EPHB3: variants seen among roughly 807,000 people sequenced by gnomAD.
EPHB3 encodes ephrin type-B receptor 3.
In EPHB3, 33 loss-of-function variants were observed where a neutral mutation model predicts 100.2. The ratio of observed to expected loss-of-function variants is 0.33; its 90% CI spans 0.25 to 0.44. The LOEUF is 0.44. Among genes scored for constraint, EPHB3 ranks in the 20% least tolerant of loss-of-function variants. The pLI, the probability that EPHB3 is intolerant of heterozygous loss-of-function variation, is 1.00. For missense variants in EPHB3, 1,045 were observed against 1,378.3 expected (o/e 0.76, Z 3.83); for synonymous variants, 526 against 554.7 (o/e 0.95, Z 0.73).
chr3:184,574,371 C>T (rs1014568418), intron 3 of EPHB3, among the ~76,000 whole-genome samples: 1 of 152,222 alleles, frequency 6.6e-6, no homozygotes, highest in Non-Finnish European at 1.5e-5. Context: ...TAGATTCCTG[C>T]CATCTCCCTA....
In EPHB3 at chr3:184,579,152, C is replaced by G. The variant is rs1346969010; in HGVS notation, c.1802-325C>G. ...TGCAGGATAGCTCGGTGGGAAAAGT[C>G]CAGAGGCAGAGAGCCCAGCTGGGAG... On this transcript the variant is annotated intron_variant, in intron 9 of 15. Transcript: ENST00000330394. The surrounding 1 kb of genome is among the most constrained non-coding windows in gnomAD (Gnocchi z 5.2). 6.6e-6 allele frequency among the ~76,000 whole-genome samples: 1 copy of G among 151,930 alleles called. No individual in the cohort carries two copies. Among genetic ancestry groups the G allele is most frequent in the Non-Finnish European group, 1.5e-5 (1 of 67,982 alleles).
chr3:184,564,546 GTTATTA>G, intron 1 of EPHB3, among the ~76,000 whole-genome samples: 1 of 152,356 alleles, frequency 6.6e-6, no homozygotes, highest in Non-Finnish European at 1.5e-5. Flanking sequence ...AGGATTAGCT[GTTATTA>G]TTATTGTTAC....
Position 184,577,294 on chromosome 3 carries a change from A to G in EPHB3, c.1355-49A>G. On this transcript the variant is annotated intron_variant, in intron 5 of 15. Transcript: ENST00000330394. This position sits in a 1 kb window ranked among gnomAD's most constrained non-coding sequence, Gnocchi z 4.9. The stretch of plus-strand genomic sequence containing the variant: ...TCCCATGGGAAGTGGGTCTTTGGGA[A>G]GGATGCCAGGGTCCAGGGAGCCCCT... 6.3e-7 allele frequency: 1 copy of G among 1,597,710 alleles called. No individual in the cohort carries two copies. The highest frequency in any genetic ancestry group is 1.1e-5 in the South Asian group (1 of 89,380).
In EPHB3 at chr3:184,573,019, G is replaced by T; in HGVS notation, c.699G>T (p.Ser233=). ...CCCTCACTGGGGCGGAGCCCACCTC[G>T]CTGGTCATTGCTCCTGGCACCTGCA... ...PETLTGAEPT[S]LVIAPGTCIP... The change falls in exon 3 of 16, where the codon TCG becomes TCT. Residue 233 remains serine, a synonymous_variant. Transcript: ENST00000330394. This position sits in a 1 kb window ranked among gnomAD's most constrained non-coding sequence, Gnocchi z 4.5. 6.2e-7 allele frequency: 1 copy of T among 1,612,794 alleles called. No homozygotes were observed. Among genetic ancestry groups the T allele is most frequent in the Non-Finnish European group, 8.5e-7 (1 of 1,179,736 alleles).
chr3:184,569,490 G>C lies in EPHB3; in HGVS notation c.119-1828G>C, dbSNP rs1357461873. Among the ~76,000 whole-genome samples, 1 of 151,246 alleles carries C rather than the reference G, an allele frequency of 6.6e-6. No individual in the cohort carries two copies. Among genetic ancestry groups the C allele is most frequent in the Admixed American group, 6.5e-5 (1 of 15,274 alleles). Reference sequence around the variant, plus strand: ...CCCGCCTCCCTCCCCGCCTGTCTCTGTGGGCCCCGGCTTCTGAGCATCTCG... The same window carrying C: ...CCCGCCTCCCTCCCCGCCTGTCTCTCTGGGCCCCGGCTTCTGAGCATCTCG... On this transcript the variant is annotated intron_variant, in intron 1 of 15. Transcript: ENST00000330394. This position sits in a 1 kb window ranked among gnomAD's most constrained non-coding sequence, Gnocchi z 5.4.
rs1365281329 is a variant in EPHB3, at chr3:184,563,683, ACACT to A, written c.118+1334_118+1337del. Among the ~76,000 whole-genome samples, 4 of 152,166 alleles carry A rather than the reference ACACT, an allele frequency of 2.6e-5. No homozygotes were observed. Among genetic ancestry groups the A allele is most frequent in the African/African-American group, 4.8e-5 (2 of 41,416 alleles). ...ACCGAGGTCTCGCCCACACTCGCAC[ACACT>A]CACCCACATGTGTGTGATAGGATCG... On this transcript the variant is annotated intron_variant, in intron 1 of 15. Transcript: ENST00000330394. The surrounding 1 kb of genome is among the most constrained non-coding windows in gnomAD (Gnocchi z 4.1).
Position 184,582,293 on chromosome 3 carries a change from T to C in EPHB3, c.*671T>C, listed in dbSNP as rs531346681. On this transcript the variant is annotated 3_prime_UTR_variant, in exon 16 of 16. Coordinates refer to ENST00000330394, the MANE Select transcript of EPHB3 (RefSeq NM_004443.4). ...GTGTGTGTGTGCGCGCGCGCGCGCG[T>C]GTGTGTGTGCACGCACTGGCCTGCA... is the stretch of plus-strand genomic sequence containing the variant. 5.1e-4 allele frequency: 77 copies of C among 151,740 alleles called. No individual in the cohort carries two copies. The highest frequency in any genetic ancestry group is 3.4e-3 in the Middle Eastern group (1 of 296). The allele number at this position is 151,740 out of a possible 1,614,324, so 9.4% of individuals were successfully genotyped here. A position where few individuals can be genotyped will look rare whatever the true frequency, so the allele number is the denominator to read the frequency against.
At chr3:184,564,643 A>G (rs1714339421) in intron 1 of EPHB3, among the ~76,000 whole-genome samples, 1 of 151,960 alleles carries the variant, frequency 6.6e-6, no homozygotes, top group African/African-American at 2.4e-5. Flanking sequence ...TAGAGGGAGG[A>G]AAGATGAAAG....
chr3:184,579,541 G>C lies in EPHB3; in HGVS notation c.1866G>C (p.Arg622=). The change falls in exon 10 of 16, where the codon CGG becomes CGC. Residue 622 remains arginine, a synonymous_variant. Transcript: ENST00000330394. This position sits in a 1 kb window ranked among gnomAD's most constrained non-coding sequence, Gnocchi z 5.2. Reference sequence around the variant, plus strand: ...ACGAGGACCCTAATGAGGCTGTTCGGGAGTTTGCCAAGGAGATCGACGTGT... The same window carrying C: ...ACGAGGACCCTAATGAGGCTGTTCGCGAGTTTGCCAAGGAGATCGACGTGT... The part of the protein sequence containing the change: ...FTYEDPNEAV[R]EFAKEIDVSC... The C allele has an allele frequency of 6.2e-7, 1 of 1,614,050 alleles. No individual in the cohort carries two copies.
At chr3:184,567,788 G>A (rs1577522370) in intron 1 of EPHB3, among the ~76,000 whole-genome samples, 2 of 152,332 alleles carry the variant, frequency 1.3e-5, no homozygotes, top group African/African-American at 4.8e-5. Flanking sequence ...AGAACATACT[G>A]CAGGGTTGGG....
chr3:184,569,230 G>T lies in EPHB3; in HGVS notation c.119-2088G>T, dbSNP rs148894801. ...ACCGGCGGGAGGACTGGCTGCGGGG[G>T]CAGGGCGCGCTTGCTCTGCCGGCTC... On this transcript the variant is annotated intron_variant, in intron 1 of 15. Coordinates refer to ENST00000330394, the MANE Select transcript of EPHB3 (RefSeq NM_004443.4). The surrounding 1 kb of genome is among the most constrained non-coding windows in gnomAD (Gnocchi z 5.4). Among the ~76,000 whole-genome samples the T allele has an allele frequency of 0.038, 5,366 of 140,974 alleles. 121 individuals are homozygous for T. The highest frequency in any genetic ancestry group is 0.051 in the Non-Finnish European group (3,221 of 63,480). 92.5% of individuals were successfully genotyped at this position (140,974 alleles called of 152,430 possible).
At position 184,579,756 on chromosome 3, in the gene EPHB3, A is replaced by G. The variant is rs1242528938; in HGVS notation, c.1994A>G (p.Lys665Arg). ...PGRREVFVAI[K>R]TLKVGYTERQ... is the part of the protein sequence containing the mutation. ...CGCCGAGAGGTGTTTGTGGCCATCAAGACGCTGAAGGTGGGCTACACCGAG... is the reference window on the plus strand; with the variant it reads ...CGCCGAGAGGTGTTTGTGGCCATCAGGACGCTGAAGGTGGGCTACACCGAG... The change falls in exon 11 of 16, where the codon AAG becomes AGG. Residue 665 changes from lysine to arginine, a missense_variant. Transcript: ENST00000330394. The surrounding 1 kb of genome is among the most constrained non-coding windows in gnomAD (Gnocchi z 5.2). The G allele has an allele frequency of 6.2e-7, 1 of 1,612,548 alleles. No individual in the cohort carries two copies.
rs1395133189 is a variant in EPHB3 at position 184,577,787 on chromosome 3, C to G, written c.1609C>G (p.Pro537Ala). 1 of 1,607,534 alleles carries G rather than the reference C, an allele frequency of 6.2e-7. No individual in the cohort carries two copies. Among genetic ancestry groups the G allele is most frequent in the Non-Finnish European group, 8.5e-7 (1 of 1,175,312 alleles). ...AGCTGGCTATGGGCAGTACAGCCGCCCTGCCGAGTTTGAGACCACAAGTGA... is the reference window on the plus strand; with the variant it reads ...AGCTGGCTATGGGCAGTACAGCCGCGCTGCCGAGTTTGAGACCACAAGTGA... ...TVAGYGQYSR[P>A]AEFETTSERG... Residue 537 changes from proline to alanine, a missense_variant, in exon 7 of 16, where the codon CCT (proline) becomes GCT (alanine). Physicochemically the swap from Pro to Ala is conservative, Grantham distance 27. This residue lies in a region of EPHB3 where 985 missense variants were observed against 1,331.1 expected (regional missense o/e 0.74). Coordinates refer to ENST00000330394, the MANE Select transcript of EPHB3 (RefSeq NM_004443.4). The surrounding 1 kb of genome is among the most constrained non-coding windows in gnomAD (Gnocchi z 4.9).
chr3:184,564,130 C>T (rs893643269), intron 1 of EPHB3, among the ~76,000 whole-genome samples: 1 of 152,232 alleles, frequency 6.6e-6, no homozygotes, highest in Non-Finnish European at 1.5e-5. Context: ...AAGGCCGAGT[C>T]CTGATGTGCT....
At position 184,569,608 on chromosome 3, in the gene EPHB3, G is replaced by T. The variant is rs1479598457; in HGVS notation, c.119-1710G>T. Among the ~76,000 whole-genome samples the T allele has an allele frequency of 1.3e-5, 2 of 152,240 alleles. No individual in the cohort carries two copies. ...CCAGGATCGCTCCCCTTACAGCCGG[G>T]CCCTCAGGGGACCAGGGGCTGCGGC... On this transcript the variant is annotated intron_variant, in intron 1 of 15. Coordinates refer to ENST00000330394, the MANE Select transcript of EPHB3 (RefSeq NM_004443.4). This position sits in a 1 kb window ranked among gnomAD's most constrained non-coding sequence, Gnocchi z 5.4.
Position 184,562,265 on chromosome 3 carries a change from G to C in EPHB3, c.30G>C (p.Pro10=), listed in dbSNP as rs1284359662. The C allele has an allele frequency of 8.6e-7, 1 of 1,166,150 alleles. No individual in the cohort carries two copies. Among genetic ancestry groups the C allele is most frequent in the Non-Finnish European group, 1.1e-6 (1 of 935,514 alleles). 72.2% of individuals were successfully genotyped at this position (1,166,150 alleles called of 1,614,324 possible). A position where few individuals can be genotyped will look rare whatever the true frequency, so the allele number is the denominator to read the frequency against. Reference sequence around the variant, plus strand: ...CCAGAGCCCGCCCGCCGCCGCCGCCGTCGCCGCCGCCGGGGCTTCTGCCGC... The same window carrying C: ...CCAGAGCCCGCCCGCCGCCGCCGCCCTCGCCGCCGCCGGGGCTTCTGCCGC... The part of the protein sequence containing the change: MARARPPPP[P]SPPPGLLPLL... Residue 10 remains proline, a synonymous_variant, in exon 1 of 16, where the codon CCG becomes CCC. Transcript: ENST00000330394. The surrounding 1 kb of genome is among the most constrained non-coding windows in gnomAD (Gnocchi z 4.8).
At chr3:184,580,286 G>A in intron 11 of EPHB3, 116 bp from the exon 12 acceptor site, 2 of 1,345,076 alleles carry the variant, frequency 1.5e-6, no homozygotes, top group Non-Finnish European at 2.1e-6. Flanking sequence ...GGGCACTCTG[G>A]ACATGGTTGC....
intron 3 of EPHB3, among the ~76,000 whole-genome samples, chr3:184,575,519 T>G (rs1373863635): frequency 3.3e-5 from 5 of 151,802 alleles, no homozygotes; most frequent in Non-Finnish European, 5.9e-5. Context: ...CCTCTGTCTT[T>G]CTCTGTCTTC....
In EPHB3 at chr3:184,573,287, G is replaced by T; in HGVS notation, c.856+111G>T. 7.3e-7 allele frequency: 1 copy of T among 1,361,900 alleles called. No homozygotes were observed. 84.4% of individuals were successfully genotyped at this position (1,361,900 alleles called of 1,614,324 possible). On this transcript the variant is annotated intron_variant, in intron 3 of 15. Transcript: ENST00000330394. The surrounding 1 kb of genome is among the most constrained non-coding windows in gnomAD (Gnocchi z 4.5). ...TATCTGACTAGGAGGTCTGGGAGCA[G>T]GTCCACAGTGGAGGCAGGAGAGGGA...
Sources: gnomAD v4.1 joint callset for allele counts (sites outside exome capture counted in the v4.1 genomes callset) on GRCh38, gnomAD v4.1.1 for gene constraint, gnomAD v4.1.1 regional missense constraint, Gnocchi (gnomAD v3.1) non-coding constraint, MANE v1.5 for transcripts, NCBI Gene and HGNC (gene_info 2026-07-23, HGNC 2026-07-21) for gene names.